The following SEZ6L variants were observed in gnomAD, a reference collection of about 807,000 sequenced individuals.
SEZ6L encodes the protein seizure 6-like protein.
Under a neutral mutation model 106.2 loss-of-function variants are expected in SEZ6L, and 37 were observed. The ratio of observed to expected loss-of-function variants is 0.35; its 90% confidence interval spans 0.27 to 0.46. The LOEUF is 0.46. SEZ6L is among the 20% of genes least tolerant of loss of function. The probability of loss-of-function intolerance (pLI) is 1.00; values close to 1 mark genes in which losing one functional copy is unlikely to be tolerated. For synonymous variants in SEZ6L, 541 were observed against 570.4 expected (o/e 0.95, Z 0.73); for missense variants, 1,172 against 1,332.8 (o/e 0.88, Z 1.88).
In SEZ6L at chr22:26,371,005, C is replaced by CAAAA. The variant is rs59911432; in HGVS notation, c.2795-2430_2795-2427dup. Reference sequence around the variant, plus strand: ...GGAAACAGAGCAAGACCCTGTATCACAAAAAAAAAAAAAAAAAAAGGGAGG... The same window carrying CAAAA: ...GGAAACAGAGCAAGACCCTGTATCACAAAAAAAAAAAAAAAAAAAAAAAGGGAGG... On this transcript the variant is annotated intron_variant, in intron 13 of 16. Coordinates refer to ENST00000248933, the MANE Select transcript of SEZ6L (RefSeq NM_021115.5). 1.2e-3 allele frequency among the ~76,000 whole-genome samples: 128 copies of CAAAA among 109,980 alleles called. 1 individual carries two copies. Among genetic ancestry groups the CAAAA allele is most frequent in the African/African-American group, 4.3e-3 (124 of 29,104 alleles). 72.2% of individuals were successfully genotyped at this position (109,980 alleles called of 152,430 possible). A position where few individuals can be genotyped will look rare whatever the true frequency, so the allele number is the denominator to read the frequency against.
rs1477411003 is a variant in SEZ6L, at chr22:26,178,764, T to C, written c.94+9001T>C. 2.0e-5 allele frequency among the ~76,000 whole-genome samples: 3 copies of C among 152,112 alleles called. No individual in the cohort carries two copies. The East Asian group carries it at 5.8e-4, about 29-fold the overall frequency. The stretch of plus-strand genomic sequence containing the variant: ...AGTCCAAGAGATATGGGTTCAAACC[T>C]AATGCTGTGATCTTGAACAAGTCAC... On this transcript the variant is annotated intron_variant, in intron 1 of 16. Coordinates refer to ENST00000248933, the MANE Select transcript of SEZ6L (RefSeq NM_021115.5).
At chr22:26,217,112 T>G (rs2078320941) in intron 1 of SEZ6L, among the ~76,000 whole-genome samples, 2 of 152,216 alleles carry the variant, frequency 1.3e-5, no homozygotes, top group Non-Finnish European at 2.9e-5. Flanking sequence ...ATCATCTCAT[T>G]TATTCCACAC....
intron 1 of SEZ6L, among the ~76,000 whole-genome samples, chr22:26,199,117 G>T (rs1940766339): frequency 6.6e-6 from 1 of 152,208 alleles, no homozygotes; most frequent in Non-Finnish European, 1.5e-5. Context: ...TGAGAAAATT[G>T]AGGCCTAAAG....
chr22:26,311,953 C>T lies in SEZ6L; in HGVS notation c.1867C>T (p.Leu623=), dbSNP rs572559334. 51 of 1,614,010 alleles carry T rather than the reference C, an allele frequency of 3.2e-5. No homozygotes were observed. The South Asian group carries it at 5.3e-4, about 17-fold the overall frequency. ...CCCATACTGGAATGACACAGAGCCC[C>T]TGTGCAGAGGTGAGCGGATCCACAA... ...RDPYWNDTEP[L]CRAMCGGELS... is the part of the protein sequence containing the mutation. Residue 623 remains leucine (L), a synonymous_variant, in exon 8 of 17, where the codon CTG becomes TTG. Coordinates refer to ENST00000248933, the MANE Select transcript of SEZ6L (RefSeq NM_021115.5).
At chr22:26,232,096 G>A (rs932141006) in intron 1 of SEZ6L, among the ~76,000 whole-genome samples, 4 of 152,160 alleles carry the variant, frequency 2.6e-5, no homozygotes, top group Non-Finnish European at 5.9e-5. Flanking sequence ...CCTCAGGTAT[G>A]AAATGGGGCT....
intron 1 of SEZ6L, among the ~76,000 whole-genome samples, chr22:26,207,744 T>G (rs1941348567): frequency 6.6e-6 from 1 of 152,150 alleles, no homozygotes; most frequent in African/African-American, 2.4e-5. Flanking sequence ...CTTTTCATAT[T>G]CTACTTAAGG....
At chr22:26,221,599 C>T (rs73417556) in intron 1 of SEZ6L, among the ~76,000 whole-genome samples, 5,849 of 152,316 alleles carry the variant, frequency 0.038, 389 homozygotes, top group African/African-American at 0.13. Context: ...AGCACTCGCT[C>T]GTGTCAATGG....
At chr22:26,270,462 G>A (rs889238598) in intron 1 of SEZ6L, among the ~76,000 whole-genome samples, 2 of 76,182 alleles carry the variant, frequency 2.6e-5, no homozygotes, top group African/African-American at 7.7e-5. Flanking sequence ...CAATTGTGAG[G>A]GGTGTGTGTG....
chr22:26,250,403 C>T (rs963607791), intron 1 of SEZ6L, among the ~76,000 whole-genome samples: 2 of 152,076 alleles, frequency 1.3e-5, no homozygotes, highest in Admixed American at 1.3e-4. Flanking sequence ...TTTCCCAGCA[C>T]CATTAATAAG....
intron 1 of SEZ6L, among the ~76,000 whole-genome samples, chr22:26,182,418 T>C (rs1184448839): frequency 1.3e-5 from 2 of 152,180 alleles, no homozygotes; most frequent in African/African-American, 2.4e-5. Context: ...GCAAGATATT[T>C]GTGCTTTATG....
chr22:26,372,016 C>T (rs151319485), intron 13 of SEZ6L, among the ~76,000 whole-genome samples: 42 of 152,342 alleles, frequency 2.8e-4, no homozygotes, highest in African/African-American at 7.9e-4. Flanking sequence ...TTGGGGACCC[C>T]GGGCTCCAGT....
At chr22:26,198,644 G>A (rs960184589) in intron 1 of SEZ6L, among the ~76,000 whole-genome samples, 10 of 152,208 alleles carry the variant, frequency 6.6e-5, no homozygotes, top group Admixed American at 2.0e-4. Flanking sequence ...GATGGTGCCT[G>A]TTGTTGCATC....
chr22:26,237,140 G>A (rs559843901), intron 1 of SEZ6L, among the ~76,000 whole-genome samples: 1 of 152,284 alleles, frequency 6.6e-6, no homozygotes, highest in African/African-American at 2.4e-5. Context: ...CCCTCCCTGA[G>A]CCTCAGTTTC....
intron 1 of SEZ6L, among the ~76,000 whole-genome samples, chr22:26,279,759 C>T (rs573455815): frequency 3.9e-5 from 6 of 152,106 alleles, no homozygotes; most frequent in African/African-American, 7.2e-5. Flanking sequence ...ATTTGCTAAA[C>T]GCCCCCAAAC....
At chr22:26,171,169 A>G (rs977085536) in intron 1 of SEZ6L, among the ~76,000 whole-genome samples, 2 of 152,246 alleles carry the variant, frequency 1.3e-5, no homozygotes, top group Non-Finnish European at 2.9e-5. Context: ...TTGTTTAACA[A>G]AGCATATCAT....
chr22:26,328,571 T>C (rs1436116037), intron 9 of SEZ6L, among the ~76,000 whole-genome samples: 6 of 152,084 alleles, frequency 3.9e-5, no homozygotes, highest in African/African-American at 1.5e-4. Flanking sequence ...TTCCTGGTCA[T>C]GGTGCTAGGT....
chr22:26,247,457 G>C (rs2281422), intron 1 of SEZ6L, among the ~76,000 whole-genome samples: 15,686 of 152,132 alleles, frequency 0.1, 1,061 homozygotes, highest in East Asian at 0.25. Context: ...CCAATGACTG[G>C]TATCTTCCTA....
At chr22:26,289,742 A>G (rs1311776699) in intron 1 of SEZ6L, among the ~76,000 whole-genome samples, 1 of 152,224 alleles carries the variant, frequency 6.6e-6, no homozygotes, top group Non-Finnish European at 1.5e-5. Context: ...CGCCAACTCC[A>G]TGAAAGTAAA....
chr22:26,263,675 C>G (rs780644615), intron 1 of SEZ6L, among the ~76,000 whole-genome samples: 3 of 152,188 alleles, frequency 2.0e-5, no homozygotes, highest in Non-Finnish European at 4.4e-5. Flanking sequence ...ATGCAGTGGC[C>G]TGTAGGGCAA....
Sources: allele counts gnomAD v4.1 joint callset (sites outside exome capture counted in the v4.1 genomes callset), GRCh38; gene constraint gnomAD v4.1.1; transcripts MANE v1.5; gene names NCBI Gene and HGNC (gene_info 2026-07-23, HGNC 2026-07-21).